Variants in PLCL2 observed in about 807,000 individuals in gnomAD.
PLCL2 encodes inactive phospholipase C-like protein 2.
PLCL2 carries 4 observed loss-of-function variants against 79.6 expected under a neutral mutation model. The ratio of observed to expected loss-of-function variants is 0.05; its 90% CI spans 0.02 to 0.11. PLCL2 has a LOEUF of 0.11. Ranked by LOEUF, PLCL2 falls within the 10% of genes least tolerant of loss-of-function variation. PLCL2 has a pLI of 1.00. For missense variants in PLCL2, 895 were observed against 1,291.0 expected (o/e 0.69, Z 4.70); for synonymous variants, 484 against 457.7 (o/e 1.06, Z -0.73).
chr3:17,001,908 T>A (rs1214722361), intron 1 of PLCL2, among the ~76,000 whole-genome samples: 1 of 151,998 alleles, frequency 6.6e-6, no homozygotes, highest in Non-Finnish European at 1.5e-5. Flanking sequence ...CATTGATAAG[T>A]ATTGCATTAA....
In PLCL2 at chr3:17,010,091, C is replaced by T. The variant is rs765839936; in HGVS notation, c.745C>T (p.Leu249=). The change falls in exon 2 of 6, where the codon CTA becomes TTA. Residue 249 remains leucine (L), a synonymous_variant. Transcript: ENST00000615277. The surrounding 1 kb of genome is among the most constrained non-coding windows in gnomAD (Gnocchi z 5.8). ...CATCTGGGTTACAGGACTGCGGTAC[C>T]TAATTTCTTATGGAAAACATACACT... ...ANIWVTGLRY[L]ISYGKHTLDM... The T allele has an allele frequency of 1.3e-5, 21 of 1,613,968 alleles. No homozygotes were observed. Among genetic ancestry groups the T allele is most frequent in the Non-Finnish European group, 1.8e-5 (21 of 1,179,896 alleles).
At chr3:17,046,770 G>A (rs1158713039) in intron 4 of PLCL2, among the ~76,000 whole-genome samples, 1 of 152,122 alleles carries the variant, frequency 6.6e-6, no homozygotes, top group South Asian at 2.1e-4. Context: ...ATCTGAAGCT[G>A]GTCTTGGGGG....
At position 17,078,703 on chromosome 3, in the gene PLCL2, A is replaced by G. The variant is rs894513107; in HGVS notation, c.3204+10638A>G. Among the ~76,000 whole-genome samples, 5 of 152,060 alleles carry G rather than the reference A, an allele frequency of 3.3e-5. No homozygotes were observed. In the East Asian group the frequency reaches 5.8e-4, roughly 18 times the overall value. ...TTGCACCTGGTAGACATTTGTCTTG[A>G]TTTTCTTCATTTTTACCTGAGGTAC... On this transcript the variant is annotated intron_variant, in intron 5 of 5. Transcript: ENST00000615277.
intron 1 of PLCL2, among the ~76,000 whole-genome samples, chr3:16,946,648 T>C (rs2063602888): frequency 1.3e-5 from 2 of 152,196 alleles, no homozygotes; most frequent in Non-Finnish European, 1.5e-5. Context: ...AACTTAATGG[T>C]TGACTGTTTT....
intron 1 of PLCL2, among the ~76,000 whole-genome samples, chr3:16,959,723 A>G (rs1388432498): frequency 6.6e-6 from 1 of 152,170 alleles, no homozygotes; most frequent in East Asian, 1.9e-4. Context: ...TTGGTCGTCA[A>G]TACCATATCC....
rs141456594 is a variant in PLCL2, at chr3:16,927,538, A to G, written c.327+42172A>G. 2.7e-3 allele frequency among the ~76,000 whole-genome samples: 415 copies of G among 152,316 alleles called. 3 individuals are homozygous for G. The highest frequency in any genetic ancestry group is 9.4e-3 in the African/African-American group (391 of 41,564). ...CAAGTTTTTATGGCTTGGTGGCATC[A>G]GAAGTTTAAGAGCTGGAAGGGACTT... On this transcript the variant is annotated intron_variant, in intron 1 of 5. Coordinates refer to ENST00000615277, the MANE Select transcript of PLCL2 (RefSeq NM_001144382.2).
chr3:16,885,002 G>C lies in PLCL2; in HGVS notation c.-38G>C, dbSNP rs1418135691. The C allele has an allele frequency of 3.9e-6, 1 of 254,176 alleles. No individual in the cohort carries two copies. Among genetic ancestry groups the C allele is most frequent in the Non-Finnish European group, 7.4e-6 (1 of 135,490 alleles). The allele number at this position is 254,176 out of a possible 1,614,324, so 15.7% of individuals were successfully genotyped here. On this transcript the variant is annotated 5_prime_UTR_variant, in exon 1 of 6. Coordinates refer to ENST00000615277, the MANE Select transcript of PLCL2 (RefSeq NM_001144382.2). ...GGCGGCGGCGGGGACGCGGGGACGC[G>C]AGGACGCGGCTTTGTGCAGGCGGGT... is the stretch of plus-strand genomic sequence containing the variant.
At chr3:17,004,028 C>G (rs1047535049) in intron 1 of PLCL2, among the ~76,000 whole-genome samples, 1 of 152,142 alleles carries the variant, frequency 6.6e-6, no homozygotes, top group Non-Finnish European at 1.5e-5. Flanking sequence ...TTCCTCTTAC[C>G]TGCTTCCATG....
At chr3:17,017,655 G>A (rs2064400754) in intron 3 of PLCL2, among the ~76,000 whole-genome samples, 1 of 152,106 alleles carries the variant, frequency 6.6e-6, no homozygotes. Context: ...AATGTATGGA[G>A]GCGAATGAGA....
chr3:16,965,678 G>A (rs1463381314), intron 1 of PLCL2, among the ~76,000 whole-genome samples: 3 of 152,052 alleles, frequency 2.0e-5, no homozygotes, highest in Non-Finnish European at 4.4e-5. Context: ...CCATTTGTTT[G>A]TATCCTCTTT....
chr3:17,055,518 A>T (rs1167874117), intron 4 of PLCL2, among the ~76,000 whole-genome samples: 1 of 152,198 alleles, frequency 6.6e-6, no homozygotes, highest in Non-Finnish European at 1.5e-5. Flanking sequence ...CTTCACCCTA[A>T]TTCTGCTCTA....
At chr3:16,968,140 C>T (rs1374638496) in intron 1 of PLCL2, among the ~76,000 whole-genome samples, 1 of 152,026 alleles carries the variant, frequency 6.6e-6, no homozygotes, top group Non-Finnish European at 1.5e-5. Flanking sequence ...ACAGCCAGTA[C>T]CATGCTGTTT....
At chr3:16,891,724 A>C (rs996545707) in intron 1 of PLCL2, among the ~76,000 whole-genome samples, 9 of 152,232 alleles carry the variant, frequency 5.9e-5, no homozygotes, top group African/African-American at 2.2e-4. Context: ...AAGGCATCTC[A>C]GCTTGGACGA....
At chr3:16,944,808 G>A (rs1291052462) in intron 1 of PLCL2, among the ~76,000 whole-genome samples, 8 of 151,424 alleles carry the variant, frequency 5.3e-5, no homozygotes, top group African/African-American at 1.9e-4. Flanking sequence ...CGCCCAGGCT[G>A]GAGTGCAGTG....
intron 3 of PLCL2, among the ~76,000 whole-genome samples, chr3:17,041,957 AG>A (rs1433887491): frequency 6.6e-6 from 1 of 152,170 alleles, no homozygotes; most frequent in African/African-American, 2.4e-5. Flanking sequence ...AAAAATAAAA[AG>A]AAAAAAAATG....
At chr3:16,954,009 TTTTG>T (rs374134409) in intron 1 of PLCL2, among the ~76,000 whole-genome samples, 160 of 152,146 alleles carry the variant, frequency 1.1e-3, no homozygotes, top group East Asian at 5.4e-3. Context: ...ACATATACAT[TTTTG>T]TTTGTTTGTT....
At chr3:16,967,010 G>C (rs538521882) in intron 1 of PLCL2, among the ~76,000 whole-genome samples, 1 of 152,164 alleles carries the variant, frequency 6.6e-6, no homozygotes, top group East Asian at 1.9e-4. Context: ...ACTTACAAGT[G>C]AGAACATGCA....
intron 3 of PLCL2, among the ~76,000 whole-genome samples, chr3:17,024,749 T>C (rs1341689930): frequency 1.3e-5 from 2 of 152,044 alleles, no homozygotes; most frequent in Non-Finnish European, 2.9e-5. Context: ...AGCTCATTAA[T>C]GCATTCAGCC....
chr3:16,946,281 A>C (rs1018503830), intron 1 of PLCL2, among the ~76,000 whole-genome samples: 2 of 152,110 alleles, frequency 1.3e-5, no homozygotes, highest in Non-Finnish European at 2.9e-5. Flanking sequence ...CCAGTGCTTC[A>C]TTGGGCCTAG....
Sources: gnomAD v4.1 joint callset for allele counts (sites outside exome capture counted in the v4.1 genomes callset) on GRCh38, gnomAD v4.1.1 for gene constraint, Gnocchi (gnomAD v3.1) non-coding constraint, MANE v1.5 for transcripts, NCBI Gene and HGNC (gene_info 2026-07-23, HGNC 2026-07-21) for gene names.